The following LRP1B variants were observed in gnomAD, a reference collection of about 807,000 sequenced individuals.
LRP1B encodes LDL receptor related protein 1B.
LRP1B carries 217 observed loss-of-function variants against 556.6 expected under a neutral mutation model. The observed-to-expected ratio is 0.39, with a 90% CI of 0.35 to 0.44. The LOEUF is 0.44. Among genes scored for constraint, LRP1B ranks in the 20% least tolerant of loss-of-function variants. The pLI, the probability that LRP1B is intolerant of heterozygous loss-of-function variation, is 1.00. For missense variants in LRP1B, 5,053 were observed against 5,620.8 expected, an observed-to-expected ratio of 0.90 and a Z score of 3.23; for synonymous variants, 2,047 against 1,865.8, an observed-to-expected ratio of 1.10 and a Z score of -2.50.
At chr2:140,745,377 T>G (rs1454058865) in intron 35 of LRP1B, among the ~76,000 whole-genome samples, 1 of 152,188 alleles carries the variant, frequency 6.6e-6, no homozygotes, top group African/African-American at 2.4e-5. Flanking sequence ...AAAATTTTAC[T>G]TTTTATTATA....
intron 66 of LRP1B, among the ~76,000 whole-genome samples, chr2:140,440,944 C>T (rs1686400519): frequency 6.6e-6 from 1 of 152,036 alleles, no homozygotes. Flanking sequence ...TTTGACACAT[C>T]CCAGTTACAG....
At position 141,772,688 on chromosome 2, in the gene LRP1B, G is replaced by A. The variant is rs554128659; in HGVS notation, c.205+37591C>T. The stretch of plus-strand genomic sequence containing the variant: ...ATATAAAATGTTTGAATAATCCCCA[G>A]TCTCTCAATCTGGAATACTCATAGC... On this transcript the variant is annotated intron_variant, in intron 2 of 90. Transcript: ENST00000389484. 1.1e-3 allele frequency among the ~76,000 whole-genome samples: 163 copies of A among 152,294 alleles called. 1 individual carries two copies. The highest frequency in any genetic ancestry group is 3.7e-3 in the African/African-American group (153 of 41,578).
At chr2:140,649,186 G>A (rs1355213207) in intron 41 of LRP1B, among the ~76,000 whole-genome samples, 1 of 151,944 alleles carries the variant, frequency 6.6e-6, no homozygotes, top group African/African-American at 2.4e-5. Context: ...TTTGTCTTCT[G>A]GCATTCTCTA....
chr2:141,861,451 AAGACTAGT>A (rs1168897225), intron 1 of LRP1B, among the ~76,000 whole-genome samples: 1 of 152,180 alleles, frequency 6.6e-6, no homozygotes, highest in Admixed American at 6.5e-5. Flanking sequence ...CCAAGCAACC[AAGACTAGT>A]GACAATGTCT....
chr2:140,564,961 T>A (rs1574084697), intron 43 of LRP1B, among the ~76,000 whole-genome samples: 1 of 152,150 alleles, frequency 6.6e-6, no homozygotes, highest in East Asian at 1.9e-4. Context: ...AGTGTGTCTT[T>A]CAAGAAACAC....
At chr2:140,292,832 T>C (rs1683445504) in intron 84 of LRP1B, among the ~76,000 whole-genome samples, 4 of 152,164 alleles carry the variant, frequency 2.6e-5, no homozygotes, top group Admixed American at 2.0e-4. Flanking sequence ...AAAGCTACCC[T>C]AGAAGACAAA....
intron 7 of LRP1B, among the ~76,000 whole-genome samples, chr2:141,178,519 T>G (rs1279485189): frequency 6.6e-6 from 1 of 152,138 alleles, no homozygotes; most frequent in African/African-American, 2.4e-5. Flanking sequence ...TGGAGAGGAC[T>G]GCAAGTCAGC....
intron 32 of LRP1B, among the ~76,000 whole-genome samples, chr2:140,786,490 T>C (rs1004342700): frequency 6.6e-6 from 1 of 152,238 alleles, no homozygotes; most frequent in African/African-American, 2.4e-5. Context: ...TGTTAGTCTA[T>C]TAGCTTCTCT....
chr2:140,728,419 TTTTTA>T (rs776770243), intron 35 of LRP1B, among the ~76,000 whole-genome samples: 1 of 152,174 alleles, frequency 6.6e-6, no homozygotes, highest in Non-Finnish European at 1.5e-5. Flanking sequence ...AGGAGAAATT[TTTTTA>T]TTTTATTTTG....
At chr2:140,603,975 C>T (rs1574132442) in intron 41 of LRP1B, among the ~76,000 whole-genome samples, 2 of 152,006 alleles carry the variant, frequency 1.3e-5, no homozygotes, top group African/African-American at 4.8e-5. Flanking sequence ...TGTGCACACA[C>T]ATCTGTGTTT....
In LRP1B at chr2:140,805,874, T is replaced by A. The variant is rs148330068; in HGVS notation, c.5359+7783A>T. On this transcript the variant is annotated intron_variant, in intron 32 of 90. Transcript: ENST00000389484. ...GTACGTATGTGTGTGCATATATATA[T>A]GGATGCATACATACACACACACATA... is the stretch of plus-strand genomic sequence containing the variant. Among the ~76,000 whole-genome samples the A allele has an allele frequency of 8.3e-3, 1,268 of 152,272 alleles. 15 individuals are homozygous for A. Among genetic ancestry groups the A allele is most frequent in the African/African-American group, 0.03 (1,231 of 41,556 alleles).
chr2:140,535,404 T>C (rs1690905457), intron 46 of LRP1B, among the ~76,000 whole-genome samples: 1 of 152,172 alleles, frequency 6.6e-6, no homozygotes, highest in Admixed American at 6.6e-5. Flanking sequence ...TGGTTACACA[T>C]CAATTATGGA....
intron 72 of LRP1B, among the ~76,000 whole-genome samples, chr2:140,361,341 C>CATATATATATATATATATATATATAT (rs67208978): frequency 3.3e-5 from 1 of 30,714 alleles, no homozygotes; most frequent in African/African-American, 9.2e-5. Flanking sequence ...ACTTGGAAAG[C>CATATATATATATATATATATATATAT]ATATATATAT....
At chr2:141,277,217 T>C (rs1358012500) in intron 3 of LRP1B, among the ~76,000 whole-genome samples, 1 of 152,220 alleles carries the variant, frequency 6.6e-6, no homozygotes, top group Non-Finnish European at 1.5e-5. Flanking sequence ...ATCGCCAACC[T>C]ACTTTCCACA....
chr2:141,117,914 A>G (rs1254694822), intron 7 of LRP1B, among the ~76,000 whole-genome samples: 1 of 152,090 alleles, frequency 6.6e-6, no homozygotes, highest in Middle Eastern at 3.4e-3. Context: ...ATACATTTAG[A>G]CTTCCCTTGG....
intron 1 of LRP1B, among the ~76,000 whole-genome samples, chr2:141,829,338 A>G (rs1363508980): frequency 6.6e-6 from 1 of 152,102 alleles, no homozygotes; most frequent in Non-Finnish European, 1.5e-5. Flanking sequence ...TTCTTGTTCT[A>G]AAGAGCGTAT....
chr2:140,460,530 ATGACCAGTTGTCTGTATAAAAC>A (rs1366010196), intron 60 of LRP1B, among the ~76,000 whole-genome samples: 3 of 152,172 alleles, frequency 2.0e-5, no homozygotes, highest in East Asian at 3.9e-4. Context: ...GAAAAGTTAT[ATGACCAGTTGTCTGTATAAAAC>A]TGCAGTTGTC....
In LRP1B at chr2:140,982,293, A is replaced by G. The variant is rs373698478; in HGVS notation, c.2771-17T>C. 1 of 1,550,156 alleles carries G rather than the reference A, an allele frequency of 6.5e-7. No individual in the cohort carries two copies. Among genetic ancestry groups the G allele is most frequent in the African/African-American group, 1.4e-5 (1 of 73,632 alleles). On this transcript the variant is annotated splice_polypyrimidine_tract_variant and intron_variant, in intron 17 of 90. Transcript: ENST00000389484. Reference sequence around the variant, plus strand: ...ATGTTCTGGCTATGATGATCAATTAATAAACAAAAAATCAATTTAGAGGCA... The same window carrying G: ...ATGTTCTGGCTATGATGATCAATTAGTAAACAAAAAATCAATTTAGAGGCA...
At chr2:141,041,306 T>A (rs1486562284) in intron 11 of LRP1B, among the ~76,000 whole-genome samples, 1 of 152,086 alleles carries the variant, frequency 6.6e-6, no homozygotes, top group African/African-American at 2.4e-5. Context: ...TAAAACAACA[T>A]AAATTTATTC....
Sources: gnomAD v4.1 joint callset for allele counts (sites outside exome capture counted in the v4.1 genomes callset) on GRCh38, gnomAD v4.1.1 for gene constraint, MANE v1.5 for transcripts, NCBI Gene and HGNC (gene_info 2026-07-23, HGNC 2026-07-21) for gene names.